The following NFX1 variants were observed in gnomAD, a reference collection of about 807,000 sequenced individuals.
NFX1 encodes transcriptional repressor NF-X1.
In NFX1, 69 loss-of-function variants were observed where a neutral mutation model predicts 137.2. The ratio of observed to expected loss-of-function variants is 0.50; its 90% confidence interval spans 0.41 to 0.61. The LOEUF (loss-of-function observed/expected upper bound fraction) is 0.61, where lower values mean the gene tolerates loss of function less well. NFX1 is among the 20% of genes least tolerant of loss of function. The pLI, the probability that NFX1 is intolerant of heterozygous loss-of-function variation, is 0.00. For missense variants in NFX1, 1,167 were observed against 1,391.0 expected (o/e 0.84, Z 2.56); for synonymous variants, 495 against 474.1 (o/e 1.04, Z -0.57).
At chr9:33,324,369 A>C (rs1311011427) in intron 9 of NFX1, among the ~76,000 whole-genome samples, 4 of 151,780 alleles carry the variant, frequency 2.6e-5, no homozygotes, top group African/African-American at 9.7e-5. Context: ...AGGGAGTAAG[A>C]CTCCATCTCA....
At chr9:33,361,705 G>A (rs1823996186) in intron 19 of NFX1, among the ~76,000 whole-genome samples, 1 of 152,044 alleles carries the variant, frequency 6.6e-6, no homozygotes, top group Non-Finnish European at 1.5e-5. Flanking sequence ...TCCAGGAGGT[G>A]GAGGTTGCAG....
At chr9:33,349,057 C>CA (rs1448614453) in intron 15 of NFX1, among the ~76,000 whole-genome samples, 1 of 152,150 alleles carries the variant, frequency 6.6e-6, no homozygotes, top group Non-Finnish European at 1.5e-5. Context: ...TTATTCTTTT[C>CA]TATATGTCTC....
Position 33,342,130 on chromosome 9 carries a change from A to T in NFX1, c.2116-616A>T, listed in dbSNP as rs532451581. ...GACCCTGTCTCTGTCTCTCTCTCTCACACACACACACACACACACACGATG... is the reference window on the plus strand; with the variant it reads ...GACCCTGTCTCTGTCTCTCTCTCTCTCACACACACACACACACACACGATG... On this transcript the variant is annotated intron_variant, in intron 12 of 23. Transcript: ENST00000379540. Among the ~76,000 whole-genome samples the T allele has an allele frequency of 2.8e-3, 348 of 125,270 alleles. 1 individual carries two copies. Among genetic ancestry groups the T allele is most frequent in the African/African-American group, 6.9e-3 (228 of 32,886 alleles). The allele number at this position is 125,270 out of a possible 152,430, so 82.2% of individuals were successfully genotyped here.
At chr9:33,319,572 G>A (rs555387465) in intron 9 of NFX1, among the ~76,000 whole-genome samples, 1 of 151,946 alleles carries the variant, frequency 6.6e-6, no homozygotes, top group Non-Finnish European at 1.5e-5. Context: ...TGCAGTGGTA[G>A]GATCTCAGCT....
At chr9:33,299,704 G>A (rs996027448) in intron 2 of NFX1, among the ~76,000 whole-genome samples, 16 of 152,042 alleles carry the variant, frequency 1.1e-4, no homozygotes, top group Non-Finnish European at 2.1e-4. Context: ...AAGAGGTTGT[G>A]GAACAGACTA....
chr9:33,319,351 C>T (rs192872994), intron 9 of NFX1, among the ~76,000 whole-genome samples: 1 of 152,254 alleles, frequency 6.6e-6, no homozygotes, highest in Admixed American at 6.5e-5. Flanking sequence ...TTATTGTTAA[C>T]TCTGGACAAC....
intron 12 of NFX1, among the ~76,000 whole-genome samples, chr9:33,340,863 A>G (rs917017869): frequency 2.0e-5 from 3 of 152,084 alleles, no homozygotes; most frequent in African/African-American, 7.2e-5. Flanking sequence ...TTCCCAACAA[A>G]TTCCTCATCT....
intron 15 of NFX1, among the ~76,000 whole-genome samples, chr9:33,349,880 G>A (rs1809005924): frequency 6.6e-6 from 1 of 152,022 alleles, no homozygotes; most frequent in Admixed American, 6.6e-5. Flanking sequence ...TTAGTGGCAT[G>A]CCTGTACTCC....
intron 9 of NFX1, among the ~76,000 whole-genome samples, chr9:33,321,493 T>G (rs1267003325): frequency 7.6e-6 from 1 of 131,918 alleles, no homozygotes; most frequent in Non-Finnish European, 1.8e-5. Context: ...AGAGACTGGA[T>G]AGAGTTCTAC....
At chr9:33,343,606 G>C (rs148751170) in intron 13 of NFX1, among the ~76,000 whole-genome samples, 16 of 152,074 alleles carry the variant, frequency 1.1e-4, no homozygotes, top group African/African-American at 3.9e-4. Flanking sequence ...GACTTGACTC[G>C]GTGTTTTTAT....
intron 7 of NFX1, among the ~76,000 whole-genome samples, chr9:33,316,153 A>G (rs983029110): frequency 1.3e-5 from 2 of 152,148 alleles, no homozygotes; most frequent in African/African-American, 4.8e-5. Context: ...GTTTTATCCC[A>G]GGCTGAAAAT....
intron 19 of NFX1, among the ~76,000 whole-genome samples, chr9:33,359,116 T>C (rs1205751571): frequency 1.3e-5 from 2 of 152,228 alleles, no homozygotes; most frequent in Admixed American, 1.3e-4. Flanking sequence ...TTATTTTGGA[T>C]TTTGTATATA....
chr9:33,338,675 C>A, intron 12 of NFX1, 86 bp downstream of exon 12: 1 of 1,235,134 alleles, frequency 8.1e-7, no homozygotes, highest in Non-Finnish European at 1.1e-6. Context: ...GAATGCAGCC[C>A]GGATTTAAAA....
At chr9:33,336,891 C>A (rs747785930) in intron 11 of NFX1, among the ~76,000 whole-genome samples, 9 of 152,192 alleles carry the variant, frequency 5.9e-5, no homozygotes, top group Non-Finnish European at 1.3e-4. Context: ...CACTTGAGGT[C>A]AGGAGTTCAA....
chr9:33,340,068 T>C (rs538958581), intron 12 of NFX1, among the ~76,000 whole-genome samples: 2 of 152,214 alleles, frequency 1.3e-5, no homozygotes, highest in Non-Finnish European at 2.9e-5. Context: ...AGTGGCCTTC[T>C]TCTCACAGCT....
chr9:33,317,009 AGG>A (rs1335462765), intron 7 of NFX1, among the ~76,000 whole-genome samples: 2 of 152,184 alleles, frequency 1.3e-5, no homozygotes, highest in Admixed American at 1.3e-4. Context: ...TCCAGTTTCC[AGG>A]GTTTCTTTAC....
Position 33,351,699 on chromosome 9 carries a change from C to G in NFX1, c.2564C>G (p.Pro855Arg). 1.2e-6 allele frequency: 2 copies of G among 1,614,044 alleles called. No individual in the cohort carries two copies. Among genetic ancestry groups the G allele is most frequent in the Non-Finnish European group, 1.7e-6 (2 of 1,179,978 alleles). The stretch of plus-strand genomic sequence containing the variant: ...CTTGTGGATGAGCCCTGCAAGCAGC[C>G]CTGCACCACCCCCAGAGCTGACTGT... ...ECLVDEPCKQPCTTPRADCGH... is the reference protein window; with the variant it reads ...ECLVDEPCKQRCTTPRADCGH... The change falls in exon 16 of 24, where the codon CCC becomes CGC. Residue 855 changes from proline to arginine, a missense_variant. Transcript: ENST00000379540.
rs891527526 is a variant in NFX1, at chr9:33,292,143, C to T, written c.25+1546C>T. Among the ~76,000 whole-genome samples, 4 of 152,264 alleles carry T rather than the reference C, an allele frequency of 2.6e-5. No homozygotes were observed. In the South Asian group the frequency reaches 6.2e-4, roughly 24 times the overall value. Reference sequence around the variant, plus strand: ...TCGGTGGGGCCTAGTTGTGAGTCTTCGTGTTGAACTTTGGTGTTGTGCCCA... The same window carrying T: ...TCGGTGGGGCCTAGTTGTGAGTCTTTGTGTTGAACTTTGGTGTTGTGCCCA... On this transcript the variant is annotated intron_variant, in intron 1 of 23. Coordinates refer to ENST00000379540, the MANE Select transcript of NFX1 (RefSeq NM_002504.6).
chr9:33,307,960 C>T (rs148856222), intron 5 of NFX1, among the ~76,000 whole-genome samples: 230 of 151,968 alleles, frequency 1.5e-3, no homozygotes, highest in African/African-American at 5.2e-3. Flanking sequence ...TGTGCCACCA[C>T]GCCTGGCTAA....
Sources: allele counts gnomAD v4.1 joint callset (sites outside exome capture counted in the v4.1 genomes callset), GRCh38; gene constraint gnomAD v4.1.1; transcripts MANE v1.5; gene names NCBI Gene and HGNC (gene_info 2026-07-23, HGNC 2026-07-21).